Variants in MCM5 observed in about 807,000 individuals in gnomAD.
MCM5 encodes the protein minichromosome maintenance complex component 5.
A neutral mutation model predicts 79.9 loss-of-function variants in MCM5; 46 were observed. The ratio of observed to expected loss-of-function variants is 0.58; its 90% CI spans 0.45 to 0.74. The LOEUF (loss-of-function observed/expected upper bound fraction) is 0.74. Among genes scored for constraint, MCM5 ranks in the 30% least tolerant of loss-of-function variants. MCM5 has a pLI of 0.00. For synonymous variants in MCM5, 404 were observed against 390.5 expected (o/e 1.03, Z -0.41); for missense variants, 883 against 1,017.0 (o/e 0.87, Z 1.79).
chr22:35,446,169 T>C, the MCM5 span, among the ~76,000 whole-genome samples: 12 of 152,230 alleles, frequency 7.9e-5, no homozygotes, highest in African/African-American at 2.9e-4. Context: ...TGAGGCTCTG[T>C]GTGTTCTCCT....
intron 15 of MCM5, 94 bp downstream of exon 15, chr22:35,421,554 G>A (rs916564857): frequency 6.5e-7 from 1 of 1,549,726 alleles, no homozygotes; most frequent in Non-Finnish European, 8.9e-7. Context: ...GGCCTGCAGT[G>A]TGTGTCTTGC....
intron 9 of MCM5, 72 bp from the exon 10 acceptor site, chr22:35,415,757 T>C: frequency 6.5e-7 from 1 of 1,538,500 alleles, no homozygotes; most frequent in Non-Finnish European, 8.9e-7. Context: ...ACAACCTCAG[T>C]GGGTCTTTTT....
downstream of MCM5, among the ~76,000 whole-genome samples, chr22:35,430,352 TAAC>T (rs930924567): frequency 5.9e-5 from 9 of 152,288 alleles, no homozygotes; most frequent in East Asian, 1.9e-4. Flanking sequence ...TACAGTGAAA[TAAC>T]AAGAGCTTTG....
intron 5 of MCM5, 48 bp downstream of exon 5, chr22:35,406,773 T>A: frequency 6.3e-7 from 1 of 1,584,232 alleles, no homozygotes; most frequent in Non-Finnish European, 8.6e-7. Context: ...TGAGTGAAGA[T>A]CAGAAAGGAT....
chr22:35,442,088 C>T, the MCM5 span, among the ~76,000 whole-genome samples: 23 of 152,094 alleles, frequency 1.5e-4, no homozygotes, highest in Non-Finnish European at 3.2e-4. Flanking sequence ...ACTCCCGTGG[C>T]TCCCCATTGC....
At chr22:35,443,188 T>C in the MCM5 span, among the ~76,000 whole-genome samples, 2 of 152,064 alleles carry the variant, frequency 1.3e-5, no homozygotes. Flanking sequence ...GTGCCCAAGG[T>C]GCAAAAAAAT....
chr22:35,401,878 A>G (rs1932065017), intron 2 of MCM5: 1 of 368,846 alleles, frequency 2.7e-6, no homozygotes, highest in East Asian at 7.3e-5. Context: ...AGCTAAGGTC[A>G]GAGTTGCAGG....
intron 4 of MCM5, among the ~76,000 whole-genome samples, chr22:35,406,299 T>TCCCCCCCCC (rs57728496): frequency 7.8e-6 from 1 of 128,556 alleles, no homozygotes; most frequent in Non-Finnish European, 1.6e-5. Flanking sequence ...CCCTGCCACC[T>TCCCCCCCCC]CCCCCCCCAA....
At chr22:35,412,741 A>T (rs1932423982) in intron 8 of MCM5, 60 bp downstream of exon 8, 6 of 1,327,384 alleles carry the variant, frequency 4.5e-6, no homozygotes, top group Non-Finnish European at 6.0e-6. Context: ...TCACAGTAGG[A>T]TAATTACTGG....
In MCM5 at chr22:35,402,447, C is replaced by A. The variant is rs886841044; in HGVS notation, c.168-760C>A. 2.6e-5 allele frequency among the ~76,000 whole-genome samples: 4 copies of A among 151,564 alleles called. No individual in the cohort carries two copies. In the South Asian group the frequency reaches 6.2e-4, roughly 24 times the overall value. ...GTTCAAGTGATTCTCCTGCCTCAGT[C>A]CCCCAAGTAGCTAGGATTACAGGCA... On this transcript the variant is annotated intron_variant, in intron 2 of 16. Transcript: ENST00000216122.
chr22:35,412,663 T>A lies in MCM5; in HGVS notation c.1073T>A (p.Phe358Tyr), dbSNP rs1014411328. Reference sequence around the variant, plus strand: ...AAGAAGGCCATTGCCTGCCTGCTCTTTGGGGGCTCCCGAAAGAGGTAGGGG... The same window carrying A: ...AAGAAGGCCATTGCCTGCCTGCTCTATGGGGGCTCCCGAAAGAGGTAGGGG... Reference protein sequence around the residue: ...DMKKAIACLLFGGSRKRLPDG... With the variant: ...DMKKAIACLLYGGSRKRLPDG... The change falls in exon 8 of 17, where the codon TTT (phenylalanine) becomes TAT (tyrosine). Residue 358 changes from phenylalanine (F) to tyrosine (Y), a missense_variant. Phe to Tyr is a conservative substitution (Grantham distance 22). Coordinates refer to ENST00000216122, the MANE Select transcript of MCM5 (RefSeq NM_006739.4). 2 of 1,507,614 alleles carry A rather than the reference T, an allele frequency of 1.3e-6. No individual in the cohort carries two copies. The highest frequency in any genetic ancestry group is 2.8e-5 in the African/African-American group (2 of 70,820). The allele number at this position is 1,507,614 out of a possible 1,614,324, so 93.4% of individuals were successfully genotyped here.
At chr22:35,408,626 C>T (rs1932288923) in intron 6 of MCM5, 63 bp downstream of exon 6, 1 of 1,552,814 alleles carries the variant, frequency 6.4e-7, no homozygotes, top group East Asian at 2.3e-5. Flanking sequence ...GTGGCCCTAA[C>T]CCGAGTGTTG....
chr22:35,444,839 C>T, the MCM5 span, among the ~76,000 whole-genome samples: 2 of 152,112 alleles, frequency 1.3e-5, no homozygotes, highest in Non-Finnish European at 2.9e-5. Context: ...TGTAGCAAGA[C>T]CCTGTCTATA....
At chr22:35,436,582 C>A in the MCM5 span, among the ~76,000 whole-genome samples, 8 of 152,182 alleles carry the variant, frequency 5.3e-5, no homozygotes, top group Admixed American at 5.2e-4. Context: ...GGCTTCTGGC[C>A]TTTTTCCATC....
intron 13 of MCM5, among the ~76,000 whole-genome samples, chr22:35,419,243 C>A (rs149827286): frequency 6.6e-5 from 10 of 152,212 alleles, no homozygotes; most frequent in African/African-American, 1.9e-4. Flanking sequence ...CTCCCTCCCT[C>A]TGGGTCTCAG....
chr22:35,433,461 TGG>T, the MCM5 span, among the ~76,000 whole-genome samples: 1 of 152,220 alleles, frequency 6.6e-6, no homozygotes, highest in South Asian at 2.1e-4. Context: ...GGGCTTCCCC[TGG>T]GTCAGAACTC....
rs368516508 is a variant in MCM5 at position 35,416,731 on chromosome 22, A to G, written c.1507A>G (p.Asn503Asp). 1.9e-6 allele frequency: 3 copies of G among 1,614,040 alleles called. No homozygotes were observed. The African/African-American group carries it at 4.0e-5, about 22-fold the overall frequency. Residue 503 changes from asparagine (N) to aspartate (D), a missense_variant, in exon 12 of 17, where the codon AAC (asparagine) becomes GAC (aspartate). Transcript: ENST00000216122. ...CTGGGATGAGACGAAGGGGGAGGAC[A>G]ACATTGACTTCATGCCCACCATCTT... ...GRWDETKGED[N>D]IDFMPTILSR...
At chr22:35,414,477 C>A (rs935100009) in intron 9 of MCM5, among the ~76,000 whole-genome samples, 1 of 151,804 alleles carries the variant, frequency 6.6e-6, no homozygotes, top group Non-Finnish European at 1.5e-5. Context: ...AAATAACTAG[C>A]CAGGCGTGAT....
Position 35,406,298 on chromosome 22 carries a change from C to CCCG in MCM5, c.424-255_424-254insCCG, listed in dbSNP as rs1569064463. Reference sequence around the variant, plus strand: ...CTTAGTGTATCTCTTGCCCTGCCACCTCCCCCCCCAATTGTGCTGCGAGGT... The same window carrying CCCG: ...CTTAGTGTATCTCTTGCCCTGCCACCCCGTCCCCCCCCAATTGTGCTGCGAGGT... On this transcript the variant is annotated intron_variant, in intron 4 of 16. Transcript: ENST00000216122. 2.8e-4 allele frequency among the ~76,000 whole-genome samples: 38 copies of CCCG among 136,320 alleles called. 1 individual carries two copies. The highest frequency in any genetic ancestry group is 4.5e-4 in the Non-Finnish European group (28 of 61,902). 89.4% of individuals were successfully genotyped at this position (136,320 alleles called of 152,430 possible). A position where few individuals can be genotyped will look rare whatever the true frequency, so the allele number is the denominator to read the frequency against.
Sources: gnomAD v4.1 joint callset for allele counts (sites outside exome capture counted in the v4.1 genomes callset) on GRCh38, gnomAD v4.1.1 for gene constraint, MANE v1.5 for transcripts, NCBI Gene and HGNC (gene_info 2026-07-23, HGNC 2026-07-21) for gene names.